MTSS1: variants seen among roughly 807,000 people sequenced by gnomAD.
The protein encoded by MTSS1 is MTSS I-BAR domain containing 1.
Under a neutral mutation model 79.0 loss-of-function variants are expected in MTSS1, and 18 were observed. That is an observed-to-expected ratio of 0.23 (90% confidence interval 0.16 to 0.34). The LOEUF (loss-of-function observed/expected upper bound fraction) is 0.34, where lower values mean the gene tolerates loss of function less well. MTSS1 is among the 10% of genes least tolerant of loss of function. The probability of loss-of-function intolerance (pLI) is 1.00; values close to 1 mark genes in which losing one functional copy is unlikely to be tolerated. For synonymous variants in MTSS1, 341 were observed against 368.6 expected (o/e 0.93, Z 0.86); for missense variants, 815 against 986.2 (o/e 0.83, Z 2.33).
intron 6 of MTSS1, chr8:124,568,781 A>G: frequency 6.9e-7 from 1 of 1,448,494 alleles, no homozygotes; most frequent in Non-Finnish European, 9.0e-7. Context: ...TCCTGGGGCA[A>G]CTCTTCATGA....
At chr8:124,707,537 C>T (rs1697865740) in intron 1 of MTSS1, among the ~76,000 whole-genome samples, 2 of 152,108 alleles carry the variant, frequency 1.3e-5, no homozygotes, top group African/African-American at 2.4e-5. Context: ...TGGTGAAACC[C>T]ATCTCTACTA....
intron 3 of MTSS1, among the ~76,000 whole-genome samples, chr8:124,617,817 G>A (rs1240784628): frequency 2.6e-5 from 4 of 152,132 alleles, no homozygotes; most frequent in Admixed American, 2.6e-4. Context: ...GCTAAGCAAC[G>A]TCTAGACTTT....
chr8:124,611,121 C>A (rs1469796142), intron 3 of MTSS1, among the ~76,000 whole-genome samples: 1 of 145,818 alleles, frequency 6.9e-6, no homozygotes, highest in Non-Finnish European at 1.5e-5. Context: ...CCCCCCCCAG[C>A]ATGTGACTCA....
intron 1 of MTSS1, among the ~76,000 whole-genome samples, chr8:124,708,045 T>C (rs1830645139): frequency 6.6e-6 from 1 of 152,218 alleles, no homozygotes; most frequent in African/African-American, 2.4e-5. Flanking sequence ...ATAATGATGA[T>C]AACCAAAACA....
At chr8:124,568,573 A>C (rs1184383213) in intron 6 of MTSS1, 37 bp from the exon 7 acceptor site, 35 of 1,613,904 alleles carry the variant, frequency 2.2e-5, no homozygotes, top group Non-Finnish European at 2.9e-5. Context: ...GCTTGCTGAA[A>C]TACCAGCTTC....
chr8:124,672,902 CAT>C (rs1824544269), intron 3 of MTSS1, among the ~76,000 whole-genome samples: 1 of 151,858 alleles, frequency 6.6e-6, no homozygotes, highest in South Asian at 2.1e-4. Flanking sequence ...CACACACACA[CAT>C]GCACACATAT....
At chr8:124,704,022 T>A (rs1305339584) in intron 2 of MTSS1, 108 bp downstream of exon 2, 1 of 965,152 alleles carries the variant, frequency 1.0e-6, no homozygotes, top group South Asian at 1.4e-5. Flanking sequence ...CTTCCCTATC[T>A]GCAGCACTTC....
intron 3 of MTSS1, among the ~76,000 whole-genome samples, chr8:124,693,738 CCTT>C (rs1828333557): frequency 1.3e-5 from 2 of 152,328 alleles, no homozygotes; most frequent in South Asian, 4.1e-4. Flanking sequence ...TCTCTTCTAA[CCTT>C]CTCTCTCCAT....
chr8:124,711,827 C>A (rs1171387638), intron 1 of MTSS1, among the ~76,000 whole-genome samples: 1 of 152,010 alleles, frequency 6.6e-6, no homozygotes, highest in East Asian at 1.9e-4. Flanking sequence ...GGGAACATGA[C>A]AAAACCCTGT....
rs1365098685 is a variant in MTSS1, at chr8:124,727,528, G to A, written c.72+356C>T. ...CCCGGAGGAATCAGGTGTCCTCCCG[G>A]GCATCCAGCCCCCGCGGGTCCCAGA... On this transcript the variant is annotated intron_variant, in intron 1 of 13. Transcript: ENST00000518547. The surrounding 1 kb of genome is among the most constrained non-coding windows in gnomAD (Gnocchi z 4.7). 2.1e-6 allele frequency: 1 copy of A among 474,988 alleles called. No homozygotes were observed. Among genetic ancestry groups the A allele is most frequent in the African/African-American group, 2.0e-5 (1 of 50,842 alleles). 29.4% of individuals were successfully genotyped at this position (474,988 alleles called of 1,614,324 possible).
intron 3 of MTSS1, among the ~76,000 whole-genome samples, chr8:124,692,359 GC>G (rs1346991832): frequency 3.4e-5 from 5 of 147,588 alleles, no homozygotes; most frequent in Non-Finnish European, 7.5e-5. Context: ...ACATGTGGAT[GC>G]ATCAATCTTT....
At chr8:124,680,535 T>A (rs1384369189) in intron 3 of MTSS1, among the ~76,000 whole-genome samples, 2 of 152,250 alleles carry the variant, frequency 1.3e-5, no homozygotes, top group Non-Finnish European at 2.9e-5. Context: ...AAAGGTTGTC[T>A]ATGTGCCACA....
intron 1 of MTSS1, among the ~76,000 whole-genome samples, chr8:124,710,146 G>A (rs1473552939): frequency 6.6e-6 from 1 of 152,214 alleles, no homozygotes; most frequent in African/African-American, 2.4e-5. Flanking sequence ...ACTCCTCCAG[G>A]CAGGACATGG....
chr8:124,578,577 C>T (rs541897585), intron 6 of MTSS1, among the ~76,000 whole-genome samples: 1 of 150,600 alleles, frequency 6.6e-6, no homozygotes, highest in Admixed American at 6.7e-5. Flanking sequence ...ACAGGATCAC[C>T]CGAGGTCAGG....
At chr8:124,645,924 T>C (rs1345024045) in intron 3 of MTSS1, among the ~76,000 whole-genome samples, 1 of 152,232 alleles carries the variant, frequency 6.6e-6, no homozygotes, top group Non-Finnish European at 1.5e-5. Context: ...CTATGATATC[T>C]TCCTTCAGAA....
At chr8:124,567,569 T>G in intron 7 of MTSS1, 1 of 1,338,104 alleles carries the variant, frequency 7.5e-7, no homozygotes, top group Non-Finnish European at 9.7e-7. Context: ...TTGGATATAT[T>G]TTGGTCCAGA....
At chr8:124,655,198 G>A (rs1820721120) in intron 3 of MTSS1, among the ~76,000 whole-genome samples, 1 of 152,192 alleles carries the variant, frequency 6.6e-6, no homozygotes, top group Admixed American at 6.5e-5. Context: ...GGACCTGCTG[G>A]GCAGGCCTGC....
chr8:124,572,977 C>T (rs13269229), intron 6 of MTSS1, among the ~76,000 whole-genome samples: 45,582 of 151,904 alleles, frequency 0.3, 7,410 homozygotes, highest in African/African-American at 0.41. Context: ...GAACCCCTGA[C>T]CTCAAGTGAT....
chr8:124,636,921 G>C (rs1049872217), intron 3 of MTSS1, among the ~76,000 whole-genome samples: 2 of 152,170 alleles, frequency 1.3e-5, no homozygotes, highest in African/African-American at 4.8e-5. Flanking sequence ...TCCTCTCCCA[G>C]GTCTTACTTA....
Sources: allele counts gnomAD v4.1 joint callset (sites outside exome capture counted in the v4.1 genomes callset), GRCh38; gene constraint gnomAD v4.1.1; non-coding constraint Gnocchi (gnomAD v3.1); transcripts MANE v1.5; gene names NCBI Gene and HGNC (gene_info 2026-07-23, HGNC 2026-07-21).